The following NDUFA10 variants were observed in gnomAD, a reference collection of about 807,000 sequenced individuals.
The protein encoded by NDUFA10 is NADH dehydrogenase [ubiquinone] 1 alpha subcomplex subunit 10, mitochondrial.
In NDUFA10, 40 loss-of-function variants were observed where a neutral mutation model predicts 47.8. The ratio of observed to expected loss-of-function variants is 0.84; its 90% CI spans 0.65 to 1.09. The LOEUF is 1.09. Ranked by LOEUF, NDUFA10 falls within the 50% of genes least tolerant of loss-of-function variation. The probability of loss-of-function intolerance (pLI) is 0.00; values close to 1 mark genes in which losing one functional copy is unlikely to be tolerated. For synonymous variants in NDUFA10, 183 were observed against 172.2 expected, an observed-to-expected ratio of 1.06 and a Z score of -0.49; for missense variants, 413 against 451.1, an observed-to-expected ratio of 0.92 and a Z score of 0.76.
rs182747494 is a variant in NDUFA10, at chr2:239,942,780, C to A, written c.294+47294G>T. 7.6e-4 allele frequency among the ~76,000 whole-genome samples: 115 copies of A among 152,210 alleles called. 1 individual carries two copies. The highest frequency in any genetic ancestry group is 7.3e-3 in the South Asian group (35 of 4,820). The stretch of plus-strand genomic sequence containing the variant: ...CCTGCCTTTCCATTCTCTTCAAGCC[C>A]GAGCAGCTCTGACTGGGTCCTCATA... On this transcript the variant is annotated intron_variant, in intron 4 of 5. Transcript: ENST00000419408.
downstream of NDUFA10, among the ~76,000 whole-genome samples, chr2:239,954,841 T>G (rs994622476): frequency 1.3e-5 from 2 of 152,096 alleles, no homozygotes; most frequent in African/African-American, 4.8e-5. Flanking sequence ...TGGTTGCCAA[T>G]GTTGGCGACA....
intron 5 of NDUFA10, 166 bp from the exon 6 acceptor site, chr2:240,011,862 G>C (rs552002535): frequency 1.5e-6 from 1 of 678,740 alleles, no homozygotes; most frequent in South Asian, 1.6e-5. Context: ...ACATCAGCTA[G>C]AGTCATTCTC....
At chr2:239,926,373 G>T (rs763972573) in intron 4 of NDUFA10, among the ~76,000 whole-genome samples, 1 of 152,182 alleles carries the variant, frequency 6.6e-6, no homozygotes, top group African/African-American at 2.4e-5. Context: ...GTGGTCCCAT[G>T]AGACTATAAT....
downstream of NDUFA10, among the ~76,000 whole-genome samples, chr2:239,954,058 A>G (rs1486584467): frequency 2.3e-4 from 33 of 143,954 alleles, no homozygotes; most frequent in Middle Eastern, 4.3e-3. Context: ...CCTGACGGTC[A>G]GGCTGTGACT....
Position 240,016,431 on chromosome 2 carries a change from C to T in NDUFA10, c.548-1571G>A, listed in dbSNP as rs1001534192. Among the ~76,000 whole-genome samples the T allele has an allele frequency of 6.6e-6, 1 of 152,222 alleles. No homozygotes were observed. The highest frequency in any genetic ancestry group is 2.4e-5 in the African/African-American group (1 of 41,448). ...ACACCCACTTCTCAGGTGGTCCCCA[C>T]CTTGCTCTATGCCACCTGTCCTTTA... On this transcript the variant is annotated intron_variant, in intron 4 of 9. Coordinates refer to ENST00000252711, the MANE Select transcript of NDUFA10 (RefSeq NM_004544.4). The surrounding 1 kb of genome is among the most constrained non-coding windows in gnomAD (Gnocchi z 4.4).
chr2:239,933,192 C>T (rs1694207156), intron 4 of NDUFA10, among the ~76,000 whole-genome samples: 1 of 152,180 alleles, frequency 6.6e-6, no homozygotes, highest in Non-Finnish European at 1.5e-5. Flanking sequence ...GGAGCCCTTG[C>T]CCTTCTCAAG....
chr2:239,983,351 G>A (rs766178640), intron 9 of NDUFA10, among the ~76,000 whole-genome samples: 6 of 152,248 alleles, frequency 3.9e-5, no homozygotes, highest in Non-Finnish European at 8.8e-5. Flanking sequence ...AGAAGGAAAT[G>A]CAATGAGAAC....
intron 6 of NDUFA10, among the ~76,000 whole-genome samples, chr2:240,008,731 C>A (rs190902538): frequency 1.6e-3 from 239 of 152,310 alleles, no homozygotes; most frequent in Non-Finnish European, 2.4e-3. Flanking sequence ...TTAGCTGAAG[C>A]CCCACCAGGA....
chr2:239,988,252 T>C (rs569052460), intron 9 of NDUFA10, among the ~76,000 whole-genome samples: 15 of 152,096 alleles, frequency 9.9e-5, no homozygotes, highest in Non-Finnish European at 1.9e-4. Flanking sequence ...GCTACATAAA[T>C]ATTGAATAAA....
chr2:239,956,345 G>C (rs1358899858), downstream of NDUFA10, among the ~76,000 whole-genome samples: 3 of 152,230 alleles, frequency 2.0e-5, no homozygotes, highest in African/African-American at 7.2e-5. Context: ...ATGAGGCCAT[G>C]ACCAGCACAG....
chr2:239,898,217 A>C (rs72999707), intron 4 of NDUFA10, among the ~76,000 whole-genome samples: 19,241 of 152,180 alleles, frequency 0.13, 1,326 homozygotes, highest in South Asian at 0.18. Flanking sequence ...GCAATAAAAT[A>C]ATGATGTTTA....
rs147222302 is a variant in NDUFA10, at chr2:239,944,524, C to T, written c.294+45550G>A. ...ATTACCTTTCCATGTGAATTCAGGC[C>T]GGGTCTGGACAAGTGAGGAGGTGCA... On this transcript the variant is annotated intron_variant, in intron 4 of 5. Coordinates refer to the NDUFA10 transcript ENST00000419408. Among the ~76,000 whole-genome samples, 22 of 152,286 alleles carry T rather than the reference C, an allele frequency of 1.4e-4. No homozygotes were observed. The South Asian group carries it at 1.7e-3, about 11-fold the overall frequency.
At chr2:240,024,605 T>A (rs963867549) in intron 1 of NDUFA10, among the ~76,000 whole-genome samples, 24 of 152,112 alleles carry the variant, frequency 1.6e-4, no homozygotes, top group Non-Finnish European at 3.5e-4. Flanking sequence ...CCATAGAACC[T>A]TATAGCACAA....
At chr2:239,953,497 C>T (rs1694596999), downstream of NDUFA10, among the ~76,000 whole-genome samples, 1 of 152,220 alleles carries the variant, frequency 6.6e-6, no homozygotes, top group African/African-American at 2.4e-5. Context: ...GGGGTGCCTG[C>T]CGGGTGACCT....
intron 8 of NDUFA10, among the ~76,000 whole-genome samples, chr2:239,993,039 G>T (rs2106448565): frequency 6.6e-6 from 1 of 152,266 alleles, no homozygotes; most frequent in African/African-American, 2.4e-5. Context: ...TGGGGAGGAA[G>T]AAAGGCAAAA....
chr2:239,939,172 G>A (rs1694318575), intron 4 of NDUFA10, among the ~76,000 whole-genome samples: 2 of 152,232 alleles, frequency 1.3e-5, no homozygotes, highest in Non-Finnish European at 2.9e-5. Flanking sequence ...CATGCCCCGG[G>A]CACTGTCATG....
chr2:240,014,684 T>A (rs1697269358), intron 5 of NDUFA10, 55 bp downstream of exon 5: 2 of 1,612,462 alleles, frequency 1.2e-6, no homozygotes, highest in Non-Finnish European at 1.7e-6. Context: ...GGGCTTTTAG[T>A]GCTGATCTAC....
At position 239,945,497 on chromosome 2, in the gene NDUFA10, G is replaced by A. The variant is rs1168073558; in HGVS notation, c.294+44577C>T. ...CCAACCGGAACGCAGGCTGCACCGCGAGGCTCCCTGCGCCCCACCGAGCCG... is the reference window on the plus strand; with the variant it reads ...CCAACCGGAACGCAGGCTGCACCGCAAGGCTCCCTGCGCCCCACCGAGCCG... On this transcript the variant is annotated intron_variant, in intron 4 of 5. Transcript: ENST00000419408. The surrounding 1 kb of genome is among the most constrained non-coding windows in gnomAD (Gnocchi z 4.6). 3.9e-5 allele frequency among the ~76,000 whole-genome samples: 6 copies of A among 152,020 alleles called. No individual in the cohort carries two copies. The highest frequency in any genetic ancestry group is 8.8e-5 in the Non-Finnish European group (6 of 68,024).
At chr2:240,002,893 A>C (rs537581372) in intron 8 of NDUFA10, among the ~76,000 whole-genome samples, 1 of 152,286 alleles carries the variant, frequency 6.6e-6, no homozygotes, top group East Asian at 1.9e-4. Context: ...TCTGTCGCCC[A>C]AGCTGGAGTA....
Sources: allele counts gnomAD v4.1 joint callset (sites outside exome capture counted in the v4.1 genomes callset), GRCh38; gene constraint gnomAD v4.1.1; non-coding constraint Gnocchi (gnomAD v3.1); transcripts MANE v1.5; gene names NCBI Gene and HGNC (gene_info 2026-07-23, HGNC 2026-07-21).